The following SPAG16 variants were observed in gnomAD, a reference collection of about 807,000 sequenced individuals.
The protein encoded by SPAG16 is sperm-associated antigen 16 protein.
In SPAG16, 86 loss-of-function variants were observed where a neutral mutation model predicts 80.4. The observed-to-expected ratio is 1.07, with a 90% CI of 0.90 to 1.28. The LOEUF (loss-of-function observed/expected upper bound fraction) is 1.28. SPAG16 is among the 50% of genes most tolerant of loss of function. The pLI, the probability that SPAG16 is intolerant of heterozygous loss-of-function variation, is 0.00. For synonymous variants in SPAG16, 294 were observed against 265.9 expected, an observed-to-expected ratio of 1.11 and a Z score of -1.03; for missense variants, 870 against 765.3, an observed-to-expected ratio of 1.14 and a Z score of -1.61.
At chr2:213,504,800 TGAATTCTGGCTAAATGTCCCTGTGGAG>T (rs1433496027) in intron 10 of SPAG16, among the ~76,000 whole-genome samples, 1 of 152,220 alleles carries the variant, frequency 6.6e-6, no homozygotes, top group African/African-American at 2.4e-5. Flanking sequence ...CAAGTGAGGT[TGAATTCTGGCTAAATGTCCCTGTGGAG>T]ATGTGCAAAA....
rs562598144 is a variant in SPAG16 at position 213,701,227 on chromosome 2, G to C, written c.1071-161258G>C. The stretch of plus-strand genomic sequence containing the variant: ...AGCACTCCAACCTAGGCGACAGAGA[G>C]AGATTCCATCTAAAAAAATAAATAA... On this transcript the variant is annotated intron_variant, in intron 10 of 15. Transcript: ENST00000331683. Among the ~76,000 whole-genome samples the C allele has an allele frequency of 2.7e-5, 4 of 149,228 alleles. No homozygotes were observed. In the East Asian group the frequency reaches 7.8e-4, roughly 29 times the overall value.
intron 13 of SPAG16, among the ~76,000 whole-genome samples, chr2:214,099,362 A>G (rs755871764): frequency 2.6e-5 from 4 of 152,116 alleles, no homozygotes; most frequent in Non-Finnish European, 5.9e-5. Context: ...TCCCACTGTA[A>G]ATGGAGATTT....
chr2:213,464,373 A>T (rs2072557937), intron 9 of SPAG16, among the ~76,000 whole-genome samples: 1 of 152,174 alleles, frequency 6.6e-6, no homozygotes, highest in Non-Finnish European at 1.5e-5. Context: ...TGTGGTCTCC[A>T]AGCACCATGA....
chr2:213,880,348 T>C (rs35773073), intron 11 of SPAG16, among the ~76,000 whole-genome samples: 90,399 of 152,092 alleles, frequency 0.59, 28,755 homozygotes, highest in South Asian at 0.85. Flanking sequence ...GTTGATTTGT[T>C]TAAGTTCCTT....
chr2:214,280,250 T>C (rs1692819991), intron 15 of SPAG16, among the ~76,000 whole-genome samples: 1 of 152,208 alleles, frequency 6.6e-6, no homozygotes, highest in Admixed American at 6.5e-5. Context: ...AGAGCTATAC[T>C]TGTTCATCAA....
intron 11 of SPAG16, among the ~76,000 whole-genome samples, chr2:213,908,122 A>G (rs1459121026): frequency 6.6e-6 from 1 of 152,222 alleles, no homozygotes. Context: ...TCTGTAGCAC[A>G]TAAATATGTA....
At chr2:214,188,045 C>T (rs2057536956) in intron 15 of SPAG16, among the ~76,000 whole-genome samples, 1 of 152,082 alleles carries the variant, frequency 6.6e-6, no homozygotes, top group Non-Finnish European at 1.5e-5. Flanking sequence ...TTATGAGAAA[C>T]TGGGATAGAT....
At chr2:213,651,783 G>A (rs2063032824) in intron 10 of SPAG16, among the ~76,000 whole-genome samples, 1 of 151,698 alleles carries the variant, frequency 6.6e-6, no homozygotes, top group African/African-American at 2.4e-5. Context: ...ATATTGTTTG[G>A]GTATTGTGTG....
chr2:213,462,930 G>A (rs1170764222), intron 9 of SPAG16, among the ~76,000 whole-genome samples: 1 of 152,318 alleles, frequency 6.6e-6, no homozygotes, highest in South Asian at 2.1e-4. Context: ...AATAGGCAAA[G>A]GTTGAAACAG....
At chr2:213,536,753 C>G (rs532163767) in intron 10 of SPAG16, among the ~76,000 whole-genome samples, 1 of 151,934 alleles carries the variant, frequency 6.6e-6, no homozygotes, top group Non-Finnish European at 1.5e-5. Flanking sequence ...GAGTAGGTTG[C>G]GAAAATTTTC....
chr2:213,784,515 T>A (rs1278745281), intron 10 of SPAG16, among the ~76,000 whole-genome samples: 2 of 151,476 alleles, frequency 1.3e-5, no homozygotes, highest in Non-Finnish European at 2.9e-5. Flanking sequence ...TAAATGTACT[T>A]TTTACTTACA....
At chr2:213,855,159 CT>C (rs1260731699) in intron 10 of SPAG16, among the ~76,000 whole-genome samples, 3 of 152,306 alleles carry the variant, frequency 2.0e-5, no homozygotes, top group African/African-American at 7.2e-5. Flanking sequence ...ATAGTTTTAA[CT>C]TTTTACACAT....
chr2:214,118,492 C>A (rs62197901), intron 14 of SPAG16, among the ~76,000 whole-genome samples: 32,232 of 151,984 alleles, frequency 0.21, 3,790 homozygotes, highest in Middle Eastern at 0.28. Context: ...AGTTCCACAT[C>A]GTTGGGGAGG....
At position 214,007,876 on chromosome 2, in the gene SPAG16, GA is replaced by G. The variant is rs2047097841; in HGVS notation, c.1401-6074del. On this transcript the variant is annotated intron_variant, in intron 12 of 15. Coordinates refer to ENST00000331683, the MANE Select transcript of SPAG16 (RefSeq NM_024532.5). ...TGATATGAATATTGATAGGAATGTT[GA>G]CATGAAAAATATCAATGTTGATAGT... Among the ~76,000 whole-genome samples, 3 of 152,090 alleles carry G rather than the reference GA, an allele frequency of 2.0e-5. No homozygotes were observed. In the South Asian group the frequency reaches 6.2e-4, roughly 31 times the overall value.
At chr2:214,242,255 G>A (rs1040706218) in intron 15 of SPAG16, among the ~76,000 whole-genome samples, 2 of 152,242 alleles carry the variant, frequency 1.3e-5, no homozygotes, top group Middle Eastern at 3.4e-3. Flanking sequence ...ACATGGAGTG[G>A]TCAGGCACCT....
At chr2:213,905,890 G>C (rs995455680) in intron 11 of SPAG16, among the ~76,000 whole-genome samples, 3 of 152,296 alleles carry the variant, frequency 2.0e-5, no homozygotes, top group South Asian at 2.1e-4. Context: ...CAGAGGCAGA[G>C]AATGTGCCTA....
chr2:214,053,702 A>T (rs892125061), intron 13 of SPAG16, among the ~76,000 whole-genome samples: 2 of 152,324 alleles, frequency 1.3e-5, no homozygotes, highest in South Asian at 2.1e-4. Context: ...CAATGTAATG[A>T]TCACAACAGT....
At chr2:213,825,727 G>A (rs1275139606) in intron 10 of SPAG16, among the ~76,000 whole-genome samples, 2 of 65,432 alleles carry the variant, frequency 3.1e-5, no homozygotes, top group Admixed American at 1.6e-4. Flanking sequence ...TTTTTTTGAT[G>A]TGTCTTTGTT....
At chr2:214,195,559 C>T (rs2057810285) in intron 15 of SPAG16, among the ~76,000 whole-genome samples, 1 of 151,852 alleles carries the variant, frequency 6.6e-6, no homozygotes, top group Admixed American at 6.6e-5. Flanking sequence ...GCGCATAAAA[C>T]TGAAAGGGCA....
Sources: gnomAD v4.1 joint callset for allele counts (sites outside exome capture counted in the v4.1 genomes callset) on GRCh38, gnomAD v4.1.1 for gene constraint, MANE v1.5 for transcripts, NCBI Gene and HGNC (gene_info 2026-07-23, HGNC 2026-07-21) for gene names.